PTPRU: variants seen among roughly 807,000 people sequenced by gnomAD.
PTPRU encodes the protein protein tyrosine phosphatase receptor type U.
In PTPRU, 69 loss-of-function variants were observed where a neutral mutation model predicts 166.3. The ratio of observed to expected loss-of-function variants is 0.41; its 90% CI spans 0.34 to 0.51. The LOEUF is 0.51. Among genes scored for constraint, PTPRU ranks in the 20% least tolerant of loss-of-function variants. The pLI, the probability that PTPRU is intolerant of heterozygous loss-of-function variation, is 0.09. For missense variants in PTPRU, 1,657 were observed against 2,013.7 expected (o/e 0.82, Z 3.39); for synonymous variants, 793 against 814.0 (o/e 0.97, Z 0.44).
At chr1:29,306,664 C>G (rs1204868784) in intron 18 of PTPRU, among the ~76,000 whole-genome samples, 3 of 152,128 alleles carry the variant, frequency 2.0e-5, no homozygotes, top group Non-Finnish European at 1.5e-5. Flanking sequence ...GGGTGAGGAG[C>G]TGCCTAAGCA....
chr1:29,280,643 A>T lies in PTPRU; in HGVS notation c.1868+502A>T, dbSNP rs1686022312. Among the ~76,000 whole-genome samples the T allele has an allele frequency of 1.4e-5, 2 of 143,720 alleles. No individual in the cohort carries two copies. 94.3% of individuals were successfully genotyped at this position (143,720 alleles called of 152,430 possible). On this transcript the variant is annotated intron_variant, in intron 11 of 29. Transcript: ENST00000373779. The surrounding 1 kb of genome is among the most constrained non-coding windows in gnomAD (Gnocchi z 4.2). ...CTCTGCTGGGGAGAGGGTGCTGGAGACAAGACTGTGTGTGTGTGTGTGTGT... is the reference window on the plus strand; with the variant it reads ...CTCTGCTGGGGAGAGGGTGCTGGAGTCAAGACTGTGTGTGTGTGTGTGTGT...
intron 2 of PTPRU, among the ~76,000 whole-genome samples, chr1:29,256,559 A>G (rs1429937694): frequency 2.6e-5 from 4 of 152,252 alleles, no homozygotes; most frequent in Admixed American, 2.0e-4. Flanking sequence ...GACCTGGCAC[A>G]GGCGCCTCCT....
rs142462225 is a variant in PTPRU, at chr1:29,282,817, G to A, written c.2010G>A (p.Ala670=). The part of the protein sequence containing the change: ...GLVHYFGAEL[A]ASSLPEAMPF... ...TGCACTACTTCGGGGCCGAACTGGC[G>A]GCCAGCAGTCTACCTGAGGCCATGC... The change falls in exon 12 of 30, where the codon GCG becomes GCA. Residue 670 remains alanine, a synonymous_variant. Coordinates refer to ENST00000373779, the MANE Select transcript of PTPRU (RefSeq NM_133178.4). 2.8e-5 allele frequency: 46 copies of A among 1,614,152 alleles called. No individual in the cohort carries two copies. The South Asian group carries it at 4.0e-4, about 14-fold the overall frequency.
intron 18 of PTPRU, chr1:29,307,110 C>A: frequency 6.2e-7 from 1 of 1,613,176 alleles, no homozygotes; most frequent in Non-Finnish European, 8.5e-7. Context: ...TGTACTGTTT[C>A]CTCACTGGAA....
At chr1:29,268,553 G>C (rs1685404132) in intron 7 of PTPRU, among the ~76,000 whole-genome samples, 1 of 152,218 alleles carries the variant, frequency 6.6e-6, no homozygotes, top group Non-Finnish European at 1.5e-5. Flanking sequence ...TAGATTTTTA[G>C]GGAATAAATG....
intron 7 of PTPRU, among the ~76,000 whole-genome samples, chr1:29,272,796 A>G (rs1685620010): frequency 6.7e-6 from 1 of 150,298 alleles, no homozygotes; most frequent in Admixed American, 6.7e-5. Context: ...AGTGCCAGCT[A>G]CTTGGGGGAC....
At chr1:29,287,651 G>A (rs1266935777) in intron 14 of PTPRU, among the ~76,000 whole-genome samples, 1 of 151,206 alleles carries the variant, frequency 6.6e-6, no homozygotes, top group Non-Finnish European at 1.5e-5. Flanking sequence ...CTAGAGTGCG[G>A]TGGCGCGATC....
intron 2 of PTPRU, among the ~76,000 whole-genome samples, chr1:29,255,714 C>T (rs1684749111): frequency 6.6e-6 from 1 of 152,202 alleles, no homozygotes; most frequent in African/African-American, 2.4e-5. Context: ...CCTAAATCCT[C>T]CATCTTTGAG....
Position 29,279,038 on chromosome 1 carries a change from C to G in PTPRU, c.1480C>G (p.Leu494Val). Residue 494 changes from leucine to valine, a missense_variant, in exon 9 of 30, where the codon CTG becomes GTG. By Grantham distance (32) the Leu-to-Val change is conservative. Coordinates refer to ENST00000373779, the MANE Select transcript of PTPRU (RefSeq NM_133178.4). The surrounding 1 kb of genome is among the most constrained non-coding windows in gnomAD (Gnocchi z 5.2). The part of the protein sequence containing the change: ...DVPSGIAAES[L>V]TFTPLEDMIF... ...GCCCAGTGGGATTGCAGCCGAGTCC[C>G]TGACCTTCACTCCACTGGAGGACAT... 1 of 1,591,160 alleles carries G rather than the reference C, an allele frequency of 6.3e-7. No individual in the cohort carries two copies. The highest frequency in any genetic ancestry group is 2.3e-5 in the East Asian group (1 of 43,710).
In PTPRU at chr1:29,236,530, TCCGCGCCGCG is replaced by T. The variant is rs1019265847; in HGVS notation, c.-110_-101del. The T allele has an allele frequency of 1.2e-3, 982 of 811,760 alleles. 7 individuals carry two copies. Among genetic ancestry groups the T allele is most frequent in the Admixed American group, 2.7e-3 (52 of 19,180 alleles). The allele number at this position is 811,760 out of a possible 1,614,324, so 50.3% of individuals were successfully genotyped here. Reference sequence around the variant, plus strand: ...GCTCTGGACTCGGCGCCAGTCCCGCTCCGCGCCGCGCCGCTCCGCTCCGGCTCGGGCTCCG... The same window carrying T: ...GCTCTGGACTCGGCGCCAGTCCCGCTCCGCTCCGCTCCGGCTCGGGCTCCG... On this transcript the variant is annotated 5_prime_UTR_variant, in exon 1 of 30. Coordinates refer to ENST00000373779, the MANE Select transcript of PTPRU (RefSeq NM_133178.4). The surrounding 1 kb of genome is among the most constrained non-coding windows in gnomAD (Gnocchi z 4.6).
chr1:29,241,033 GGGGGTGTGTAGGGATTGTAACTA>G (rs937688073), intron 1 of PTPRU, among the ~76,000 whole-genome samples: 1 of 152,154 alleles, frequency 6.6e-6, no homozygotes, highest in Non-Finnish European at 1.5e-5. Flanking sequence ...AGTCAGAGTG[GGGGGTGTGTAGGGATTGTAACTA>G]GGGGCATGGA....
chr1:29,284,611 C>T (rs2281378), intron 13 of PTPRU, 120 bp from the exon 14 acceptor site: 272,632 of 1,377,740 alleles, frequency 0.2, 38,695 homozygotes, highest in East Asian at 0.65. Context: ...GCAGGACACA[C>T]ATTGAGGATG....
intron 1 of PTPRU, among the ~76,000 whole-genome samples, chr1:29,252,587 C>A (rs1237495531): frequency 6.6e-6 from 1 of 152,130 alleles, no homozygotes; most frequent in East Asian, 1.9e-4. Flanking sequence ...TTTTCATGTG[C>A]TACTTCACAT....
chr1:29,276,242 C>T (rs1265560940), intron 8 of PTPRU, among the ~76,000 whole-genome samples: 1 of 151,816 alleles, frequency 6.6e-6, no homozygotes, highest in African/African-American at 2.4e-5. Flanking sequence ...CTGCAGCCTC[C>T]TCCTCCCAGG....
At chr1:29,293,127 G>A (rs1686719325) in intron 15 of PTPRU, among the ~76,000 whole-genome samples, 1 of 152,140 alleles carries the variant, frequency 6.6e-6, no homozygotes, top group Admixed American at 6.5e-5. Flanking sequence ...TTACAGGTGT[G>A]CGCCACCACA....
At chr1:29,308,032 C>T (rs981876853) in intron 18 of PTPRU, among the ~76,000 whole-genome samples, 5 of 151,968 alleles carry the variant, frequency 3.3e-5, no homozygotes, top group African/African-American at 1.2e-4. Context: ...GCTGGGATTA[C>T]AGGCATGAGC....
rs1235730401 is a variant in PTPRU at position 29,238,683 on chromosome 1, C to T, written c.73+1966C>T. ...GGACGCCCAAGGCGACCTCCCACCC[C>T]ATCCTCCCCAACTTCTCCCCCATGT... On this transcript the variant is annotated intron_variant, in intron 1 of 29. Coordinates refer to ENST00000373779, the MANE Select transcript of PTPRU (RefSeq NM_133178.4). This position sits in a 1 kb window ranked among gnomAD's most constrained non-coding sequence, Gnocchi z 6.1. Among the ~76,000 whole-genome samples the T allele has an allele frequency of 6.6e-6, 1 of 152,172 alleles. No individual in the cohort carries two copies. Among genetic ancestry groups the T allele is most frequent in the African/African-American group, 2.4e-5 (1 of 41,452 alleles).
rs138823810 is a variant in PTPRU at position 29,320,741 on chromosome 1, G to T, written c.3744G>T (p.Thr1248=). The change falls in exon 26 of 30, where the codon ACG becomes ACT. Residue 1248 remains threonine, a synonymous_variant. Coordinates refer to ENST00000373779, the MANE Select transcript of PTPRU (RefSeq NM_133178.4). This position sits in a 1 kb window ranked among gnomAD's most constrained non-coding sequence, Gnocchi z 5.2. Reference sequence around the variant, plus strand: ...CCCTGCACCCGCTGCAGAGCACCACGCCCGACTTCTGGCGGCTGGTCTACG... The same window carrying T: ...CCCTGCACCCGCTGCAGAGCACCACTCCCGACTTCTGGCGGCTGGTCTACG... ...IVTLHPLQST[T]PDFWRLVYDY... is the part of the protein sequence containing the mutation. 1 of 1,608,838 alleles carries T rather than the reference G, an allele frequency of 6.2e-7. No individual in the cohort carries two copies. The highest frequency in any genetic ancestry group is 2.2e-5 in the East Asian group (1 of 44,688).
chr1:29,304,573 C>A (rs910392429), intron 16 of PTPRU, among the ~76,000 whole-genome samples: 1 of 152,194 alleles, frequency 6.6e-6, no homozygotes, highest in African/African-American at 2.4e-5. Context: ...CCCTTCCCCC[C>A]ACATGCCTTG....
Sources: allele counts gnomAD v4.1 joint callset (sites outside exome capture counted in the v4.1 genomes callset), GRCh38; gene constraint gnomAD v4.1.1; non-coding constraint Gnocchi (gnomAD v3.1); transcripts MANE v1.5; gene names NCBI Gene and HGNC (gene_info 2026-07-23, HGNC 2026-07-21).